LRP1B: variants seen among roughly 807,000 people sequenced by gnomAD.
LRP1B encodes low-density lipoprotein receptor-related protein 1B.
LRP1B carries 217 observed loss-of-function variants against 556.6 expected under a neutral mutation model. The ratio of observed to expected loss-of-function variants is 0.39; its 90% CI spans 0.35 to 0.44. The LOEUF is 0.44. Among genes scored for constraint, LRP1B ranks in the 20% least tolerant of loss-of-function variants. The probability of loss-of-function intolerance (pLI) is 1.00; values close to 1 mark genes in which losing one functional copy is unlikely to be tolerated. For synonymous variants in LRP1B, 2,047 were observed against 1,865.8 expected, an observed-to-expected ratio of 1.10 and a Z score of -2.50; for missense variants, 5,053 against 5,620.8, an observed-to-expected ratio of 0.90 and a Z score of 3.23.
intron 5 of LRP1B, among the ~76,000 whole-genome samples, chr2:141,243,765 T>C (rs1044511098): frequency 2.0e-5 from 3 of 152,194 alleles, no homozygotes; most frequent in African/African-American, 7.2e-5. Flanking sequence ...ATTCTTTATT[T>C]CATTAGTCAG....
Position 140,940,986 on chromosome 2 carries a change from T to C in LRP1B, c.3136+9249A>G, listed in dbSNP as rs1414365757. Among the ~76,000 whole-genome samples, 3 of 152,194 alleles carry C rather than the reference T, an allele frequency of 2.0e-5. No individual in the cohort carries two copies. In the South Asian group the frequency reaches 6.2e-4, roughly 31 times the overall value. ...CCGACTGGCGTGAGATGGTATCTCATTGTGGTTTTGATTTGTATTTCTCTA... is the reference window on the plus strand; with the variant it reads ...CCGACTGGCGTGAGATGGTATCTCACTGTGGTTTTGATTTGTATTTCTCTA... On this transcript the variant is annotated intron_variant, in intron 20 of 90. Transcript: ENST00000389484.
chr2:141,219,870 A>G (rs1401688778), intron 6 of LRP1B, among the ~76,000 whole-genome samples: 2 of 152,188 alleles, frequency 1.3e-5, no homozygotes, highest in Non-Finnish European at 2.9e-5. Context: ...TGCCAAAAGA[A>G]AAACAAACAG....
At chr2:141,530,444 C>G (rs1684830470) in intron 2 of LRP1B, among the ~76,000 whole-genome samples, 1 of 152,058 alleles carries the variant, frequency 6.6e-6, no homozygotes, top group Non-Finnish European at 1.5e-5. Context: ...CAATTGCTTA[C>G]TTGAATATGT....
At chr2:141,483,323 T>C (rs1682994833) in intron 2 of LRP1B, among the ~76,000 whole-genome samples, 1 of 150,856 alleles carries the variant, frequency 6.6e-6, no homozygotes, top group Admixed American at 6.6e-5. Flanking sequence ...TAGTATTCCA[T>C]GGTGTATATG....
chr2:140,659,098 GTTTT>G (rs59651364), intron 41 of LRP1B, among the ~76,000 whole-genome samples: 1,300 of 61,126 alleles, frequency 0.021, 19 homozygotes, highest in Admixed American at 0.099. Context: ...CTGTAAATCT[GTTTT>G]TTTTTTTTTT....
At chr2:141,446,429 C>T (rs760626144) in intron 3 of LRP1B, among the ~76,000 whole-genome samples, 9 of 152,106 alleles carry the variant, frequency 5.9e-5, no homozygotes, top group South Asian at 2.1e-4. Context: ...AATATTGTTA[C>T]GTGTGAATTT....
At chr2:141,647,612 G>A (rs1689623368) in intron 2 of LRP1B, among the ~76,000 whole-genome samples, 1 of 150,764 alleles carries the variant, frequency 6.6e-6, no homozygotes, top group Non-Finnish European at 1.5e-5. Flanking sequence ...CTTTATATTT[G>A]TTTTATTTAT....
chr2:140,818,674 C>A (rs138001399), intron 31 of LRP1B, among the ~76,000 whole-genome samples: 2 of 152,102 alleles, frequency 1.3e-5, no homozygotes, highest in Non-Finnish European at 2.9e-5. Flanking sequence ...GTGGCTCATG[C>A]CTGTAATCCC....
intron 2 of LRP1B, among the ~76,000 whole-genome samples, chr2:141,656,315 T>A (rs1690006665): frequency 6.6e-6 from 1 of 152,168 alleles, no homozygotes; most frequent in Non-Finnish European, 1.5e-5. Context: ...CATTGAGGTG[T>A]CCTTAATTTT....
chr2:141,871,795 C>T (rs1259525978), intron 1 of LRP1B, among the ~76,000 whole-genome samples: 1 of 151,936 alleles, frequency 6.6e-6, no homozygotes, highest in Non-Finnish European at 1.5e-5. Context: ...CTGAATCTCT[C>T]CACTCACACT....
At chr2:140,787,051 G>A (rs1689930162) in intron 32 of LRP1B, among the ~76,000 whole-genome samples, 1 of 152,118 alleles carries the variant, frequency 6.6e-6, no homozygotes, top group South Asian at 2.1e-4. Context: ...AGAGCAGGAT[G>A]GGGAAGAAGA....
intron 3 of LRP1B, among the ~76,000 whole-genome samples, chr2:141,255,263 A>G (rs1381325639): frequency 6.6e-6 from 1 of 152,026 alleles, no homozygotes; most frequent in Non-Finnish European, 1.5e-5. Flanking sequence ...TGCACAAACA[A>G]TCGCTAACAG....
intron 84 of LRP1B, among the ~76,000 whole-genome samples, chr2:140,293,291 C>G (rs577561766): frequency 2.6e-5 from 4 of 152,236 alleles, no homozygotes; most frequent in African/African-American, 9.6e-5. Flanking sequence ...GATTTAAATC[C>G]AAAATGTCAT....
intron 1 of LRP1B, among the ~76,000 whole-genome samples, chr2:142,112,095 C>T (rs189890576): frequency 6.6e-6 from 1 of 152,012 alleles, no homozygotes; most frequent in Admixed American, 6.6e-5. Flanking sequence ...GTACATGTAC[C>T]GATAACTTAC....
intron 82 of LRP1B, among the ~76,000 whole-genome samples, chr2:140,318,117 G>T (rs1267411808): frequency 6.6e-6 from 1 of 152,124 alleles, no homozygotes; most frequent in South Asian, 2.1e-4. Flanking sequence ...GCAGCCAGAG[G>T]TAGGCAAATA....
chr2:140,818,392 C>T (rs1452204570), intron 31 of LRP1B, among the ~76,000 whole-genome samples: 3 of 152,222 alleles, frequency 2.0e-5, no homozygotes, highest in East Asian at 3.9e-4. Context: ...TAGAGAAATA[C>T]CAATAAGTTA....
chr2:141,945,105 A>G (rs1700916392), intron 1 of LRP1B, among the ~76,000 whole-genome samples: 1 of 152,134 alleles, frequency 6.6e-6, no homozygotes, highest in South Asian at 2.1e-4. Context: ...TCAAAACATG[A>G]GTCGTTTTTG....
intron 68 of LRP1B, among the ~76,000 whole-genome samples, chr2:140,375,173 ATGTGTG>A (rs34597866): frequency 0.025 from 3,639 of 144,174 alleles, 49 homozygotes; most frequent in African/African-American, 0.033. Flanking sequence ...TACTGTGTGT[ATGTGTG>A]TGTGTGTGTG....
At chr2:141,537,977 G>T (rs1460815971) in intron 2 of LRP1B, among the ~76,000 whole-genome samples, 2 of 152,094 alleles carry the variant, frequency 1.3e-5, no homozygotes, top group Admixed American at 1.3e-4. Context: ...TAGGATAAAA[G>T]TTTTCTCCGA....
Sources: allele counts gnomAD v4.1 joint callset (sites outside exome capture counted in the v4.1 genomes callset), GRCh38; gene constraint gnomAD v4.1.1; transcripts MANE v1.5; gene names NCBI Gene and HGNC (gene_info 2026-07-23, HGNC 2026-07-21).